AZIN1: variants seen among roughly 807,000 people sequenced by gnomAD.
AZIN1 encodes the protein antizyme inhibitor 1, also known as ornithine decarboxylase antizyme inhibitor.
In AZIN1, 12 loss-of-function variants were observed where a neutral mutation model predicts 47.4. The observed-to-expected ratio is 0.25, with a 90% CI of 0.16 to 0.41. The LOEUF is 0.41. Ranked by LOEUF, AZIN1 falls within the 10% of genes least tolerant of loss-of-function variation. The pLI is 1.00. For synonymous variants in AZIN1, 155 were observed against 176.3 expected (o/e 0.88, Z 0.96); for missense variants, 410 against 532.4 (o/e 0.77, Z 2.26).
At chr8:102,830,137 G>T in intron 9 of AZIN1, 1 of 427,886 alleles carries the variant, frequency 2.3e-6, no homozygotes, top group Non-Finnish European at 4.2e-6. Context: ...TGTAATCCTA[G>T]CACTTTGTGA....
Position 102,862,766 on chromosome 8 carries a change from T to C in AZIN1, c.-234+1041A>G, listed in dbSNP as rs1451572836. Among the ~76,000 whole-genome samples the C allele has an allele frequency of 5.9e-5, 9 of 152,274 alleles. No homozygotes were observed. The East Asian group carries it at 1.7e-3, about 29-fold the overall frequency. On this transcript the variant is annotated intron_variant, in intron 1 of 11. Transcript: ENST00000337198. ...AACACGACGGGACACAGAACTAATA[T>C]AACCAAGATGCCACCACAAAATTCA...
At chr8:102,833,970 G>A (rs1057221883) in intron 8 of AZIN1, among the ~76,000 whole-genome samples, 5 of 151,264 alleles carry the variant, frequency 3.3e-5, no homozygotes, top group African/African-American at 1.2e-4. Context: ...AAACACAACT[G>A]AAATAGAAAA....
At chr8:102,838,945 C>A in intron 4 of AZIN1, 29 bp from the exon 5 acceptor site, 1 of 1,582,008 alleles carries the variant, frequency 6.3e-7, no homozygotes, top group Non-Finnish European at 8.6e-7. Flanking sequence ...AGTGAGAATA[C>A]ATAATGTCAC....
At chr8:102,846,653 T>G (rs1259554205) in intron 2 of AZIN1, among the ~76,000 whole-genome samples, 1 of 152,078 alleles carries the variant, frequency 6.6e-6, no homozygotes, top group Non-Finnish European at 1.5e-5. Context: ...CTTTTTTTTT[T>G]GGGAAATCCA....
In AZIN1 at chr8:102,827,922, A is replaced by C. The variant is rs913403917; in HGVS notation, c.*645T>G. The C allele has an allele frequency of 6.6e-6, 1 of 152,624 alleles. No homozygotes were observed. The highest frequency in any genetic ancestry group is 1.5e-5 in the Non-Finnish European group (1 of 68,022). 9.5% of individuals were successfully genotyped at this position (152,624 alleles called of 1,614,324 possible). A position where few individuals can be genotyped will look rare whatever the true frequency, so the allele number is the denominator to read the frequency against. On this transcript the variant is annotated 3_prime_UTR_variant, in exon 12 of 12. Coordinates refer to ENST00000337198, the MANE Select transcript of AZIN1 (RefSeq NM_148174.4). ...TGGGCTATAAAGAAAAAAACCCTTC[A>C]AAACAGTCCATATACACATCTATTT...
intron 2 of AZIN1, among the ~76,000 whole-genome samples, chr8:102,845,689 G>C (rs1252334614): frequency 6.6e-6 from 1 of 152,066 alleles, no homozygotes; most frequent in Non-Finnish European, 1.5e-5. Context: ...AAATAAGGTA[G>C]AAACTTCCTG....
At chr8:102,842,884 G>T (rs1586177886) in intron 3 of AZIN1, among the ~76,000 whole-genome samples, 2 of 151,778 alleles carry the variant, frequency 1.3e-5, no homozygotes, top group East Asian at 3.9e-4. Context: ...TCCAGCCTGG[G>T]CAACAGTGTA....
At chr8:102,831,035 GTT>G (rs1298209433) in intron 9 of AZIN1, among the ~76,000 whole-genome samples, 1 of 152,154 alleles carries the variant, frequency 6.6e-6, no homozygotes, top group Non-Finnish European at 1.5e-5. Context: ...TAATTTTCAG[GTT>G]TTTAAAATAT....
At position 102,852,336 on chromosome 8, in the gene AZIN1, G is replaced by A. The variant is rs187999640; in HGVS notation, c.-96+5677C>T. ...CACGCCTGTAATCCCAGCACTTTGG[G>A]AGGCTGAGGAGGGCAGATCACCTGA... On this transcript the variant is annotated intron_variant, in intron 2 of 11. Coordinates refer to ENST00000337198, the MANE Select transcript of AZIN1 (RefSeq NM_148174.4). Among the ~76,000 whole-genome samples, 3 of 152,316 alleles carry A rather than the reference G, an allele frequency of 2.0e-5. 1 individual carries two copies. The highest frequency in any genetic ancestry group is 2.1e-4 in the South Asian group (1 of 4,820).
rs1167248288 is a variant in AZIN1, at chr8:102,861,158, G to A, written c.-234+2649C>T. On this transcript the variant is annotated intron_variant, in intron 1 of 11. Coordinates refer to ENST00000337198, the MANE Select transcript of AZIN1 (RefSeq NM_148174.4). ...TTACTAATAACTGGGTGGGAAGTAT[G>A]AAGAAACTGTATCTTTGTGACTTTG... Among the ~76,000 whole-genome samples the A allele has an allele frequency of 3.3e-5, 5 of 152,348 alleles. No individual in the cohort carries two copies. The East Asian group carries it at 7.7e-4, about 23-fold the overall frequency.
At chr8:102,852,600 T>A (rs956812920) in intron 2 of AZIN1, among the ~76,000 whole-genome samples, 3 of 152,020 alleles carry the variant, frequency 2.0e-5, no homozygotes, top group Non-Finnish European at 4.4e-5. Context: ...AAAAATTTTT[T>A]AATACAAAAA....
At chr8:102,838,453 C>G (rs1381898732) in intron 5 of AZIN1, among the ~76,000 whole-genome samples, 1 of 152,162 alleles carries the variant, frequency 6.6e-6, no homozygotes, top group Admixed American at 6.6e-5. Context: ...AATGAAAATA[C>G]AGCCATGGCC....
At chr8:102,844,280 G>A (rs1316838761) in intron 2 of AZIN1, among the ~76,000 whole-genome samples, 2 of 152,190 alleles carry the variant, frequency 1.3e-5, no homozygotes, top group African/African-American at 4.8e-5. Context: ...GCCCAGGCCG[G>A]TAGATTGCAT....
At chr8:102,835,206 CTAT>C (rs1183172910) in intron 6 of AZIN1, 1 of 157,148 alleles carries the variant, frequency 6.4e-6, no homozygotes, top group Non-Finnish European at 1.4e-5. Context: ...AACAGCATTA[CTAT>C]TATTCACTAG....
intron 3 of AZIN1, 35 bp from the exon 4 acceptor site, chr8:102,839,858 C>T (rs759641889): frequency 6.7e-7 from 1 of 1,486,208 alleles, no homozygotes; most frequent in Admixed American, 2.1e-5. Flanking sequence ...CAAATATGAA[C>T]AAAAAACCAT....
At position 102,863,156 on chromosome 8, in the gene AZIN1, C is replaced by G. The variant is rs539723271; in HGVS notation, c.-234+651G>C. On this transcript the variant is annotated intron_variant, in intron 1 of 11. Transcript: ENST00000337198. ...AAGCCTCTCGCTGGCTACCTGACAC[C>G]GGGGCTTCCCCGCCGCCAGGCCCCA... is the stretch of plus-strand genomic sequence containing the variant. Among the ~76,000 whole-genome samples, 3 of 152,332 alleles carry G rather than the reference C, an allele frequency of 2.0e-5. No individual in the cohort carries two copies. In the East Asian group the frequency reaches 5.8e-4, roughly 30 times the overall value.
At chr8:102,852,589 A>C (rs185766629) in intron 2 of AZIN1, among the ~76,000 whole-genome samples, 6 of 152,234 alleles carry the variant, frequency 3.9e-5, no homozygotes, top group Admixed American at 2.0e-4. Context: ...AATAGTAAAA[A>C]AAAAATTTTT....
intron 1 of AZIN1, among the ~76,000 whole-genome samples, chr8:102,863,192 ACTTTCCTCCACCAGAGGGGGACCGCG>A (rs1232612056): frequency 2.0e-5 from 3 of 152,076 alleles, no homozygotes; most frequent in African/African-American, 7.2e-5. Flanking sequence ...AGTGGCGTCA[ACTTTCCTCCACCAGAGGGGGACCGCG>A]CTCCCCGCGC....
intron 3 of AZIN1, among the ~76,000 whole-genome samples, chr8:102,841,394 TG>T (rs1199807215): frequency 1.3e-5 from 2 of 152,094 alleles, no homozygotes; most frequent in Non-Finnish European, 2.9e-5. Flanking sequence ...AATTTAGATG[TG>T]GGATGGAAGG....
Sources: allele counts gnomAD v4.1 joint callset (sites outside exome capture counted in the v4.1 genomes callset), GRCh38; gene constraint gnomAD v4.1.1; transcripts MANE v1.5; gene names NCBI Gene and HGNC (gene_info 2026-07-23, HGNC 2026-07-21).